The following GPC5 variants were observed in gnomAD, a reference collection of about 807,000 sequenced individuals.
The protein encoded by GPC5 is glypican-5.
GPC5 carries 47 observed loss-of-function variants against 53.9 expected under a neutral mutation model. The observed-to-expected ratio is 0.87, with a 90% CI of 0.69 to 1.11. The LOEUF is 1.11. GPC5 is among the 50% of genes most tolerant of loss of function. GPC5 has a pLI of 0.00. For synonymous variants in GPC5, 286 were observed against 263.3 expected, an observed-to-expected ratio of 1.09 and a Z score of -0.84; for missense variants, 748 against 713.1, an observed-to-expected ratio of 1.05 and a Z score of -0.56.
rs1042260999 is a variant in GPC5, at chr13:91,399,020, C to T, written c.-27C>T. 5.2e-6 allele frequency: 8 copies of T among 1,534,892 alleles called. No individual in the cohort carries two copies. Among genetic ancestry groups the T allele is most frequent in the African/African-American group, 2.8e-5 (2 of 72,710 alleles). On this transcript the variant is annotated 5_prime_UTR_variant, in exon 1 of 8. Transcript: ENST00000377067. ...GCGCAGGGCGAGTGGGGTCCACTGG[C>T]GGGTAAAGGGGACCAGGACGGCGAG... is the stretch of plus-strand genomic sequence containing the variant.
intron 7 of GPC5, among the ~76,000 whole-genome samples, chr13:92,515,098 C>T (rs1410722856): frequency 6.6e-6 from 1 of 152,016 alleles, no homozygotes; most frequent in Non-Finnish European, 1.5e-5. Flanking sequence ...AAGGTAAAAC[C>T]AGTAAAGAGA....
At chr13:92,135,057 G>T (rs1178750740) in intron 6 of GPC5, among the ~76,000 whole-genome samples, 1 of 151,954 alleles carries the variant, frequency 6.6e-6, no homozygotes, top group Non-Finnish European at 1.5e-5. Flanking sequence ...CCCCCTCTCT[G>T]GTTCTCCTGC....
intron 6 of GPC5, among the ~76,000 whole-genome samples, chr13:92,002,371 C>T (rs2040563389): frequency 1.3e-5 from 2 of 152,202 alleles, no homozygotes; most frequent in South Asian, 2.1e-4. Flanking sequence ...TCTTGTCACC[C>T]AAAGGAATTA....
chr13:92,078,204 A>G (rs2041268163), intron 6 of GPC5, among the ~76,000 whole-genome samples: 2 of 152,216 alleles, frequency 1.3e-5, no homozygotes, highest in Admixed American at 1.3e-4. Context: ...ATTCTTTAGC[A>G]ATTCATCCAA....
intron 7 of GPC5, among the ~76,000 whole-genome samples, chr13:92,246,646 A>T (rs1362754790): frequency 6.6e-6 from 1 of 152,168 alleles, no homozygotes; most frequent in Admixed American, 6.6e-5. Flanking sequence ...TCAGCCCTTC[A>T]TATGTAAAAG....
At chr13:92,724,234 T>C (rs1056108591) in intron 7 of GPC5, among the ~76,000 whole-genome samples, 1 of 151,610 alleles carries the variant, frequency 6.6e-6, no homozygotes, top group Non-Finnish European at 1.5e-5. Flanking sequence ...TAAGTTAGGT[T>C]TTTATTTTTA....
At chr13:91,572,620 T>C (rs1329934632) in intron 2 of GPC5, among the ~76,000 whole-genome samples, 1 of 151,798 alleles carries the variant, frequency 6.6e-6, no homozygotes, top group East Asian at 1.9e-4. Flanking sequence ...AAGAATGAAA[T>C]CATGACCATG....
rs568365965 is a variant in GPC5, at chr13:91,416,175, C to T, written c.163+16966C>T. On this transcript the variant is annotated intron_variant, in intron 1 of 7. Transcript: ENST00000377067. ...GAGTCCATGTACAGTATAGGGCTGCCCATTCCCACCCAAAATGTAGAAACA... is the reference window on the plus strand; with the variant it reads ...GAGTCCATGTACAGTATAGGGCTGCTCATTCCCACCCAAAATGTAGAAACA... 1.2e-4 allele frequency among the ~76,000 whole-genome samples: 18 copies of T among 152,184 alleles called. No homozygotes were observed. In the South Asian group the frequency reaches 3.3e-3, roughly 28 times the overall value.
At chr13:91,770,007 A>T (rs1044441498) in intron 5 of GPC5, among the ~76,000 whole-genome samples, 2 of 152,192 alleles carry the variant, frequency 1.3e-5, no homozygotes, top group Admixed American at 6.5e-5. Context: ...GTAGGTCCCC[A>T]GATTATGCAC....
At chr13:92,282,402 C>T (rs2042922673) in intron 7 of GPC5, among the ~76,000 whole-genome samples, 1 of 152,020 alleles carries the variant, frequency 6.6e-6, no homozygotes, top group African/African-American at 2.4e-5. Context: ...GAGAACGCCA[C>T]AAAGATACTC....
chr13:92,604,902 A>G (rs1258157358), intron 7 of GPC5, among the ~76,000 whole-genome samples: 2 of 152,202 alleles, frequency 1.3e-5, no homozygotes. Flanking sequence ...AAAGTATAGC[A>G]AGGAGTGCAT....
rs1037014027 is a variant in GPC5 at position 92,867,205 on chromosome 13, T to A, written c.*766T>A. The A allele has an allele frequency of 3.9e-5, 6 of 152,106 alleles. No individual in the cohort carries two copies. The highest frequency in any genetic ancestry group is 1.4e-4 in the African/African-American group (6 of 41,434). The allele number at this position is 152,106 out of a possible 1,614,324, so 9.4% of individuals were successfully genotyped here. ...AGCACATGCTTGCTCTAGGAATATC[T>A]CCAATAAAGCTGTTAACTATTTGGT... On this transcript the variant is annotated 3_prime_UTR_variant, in exon 8 of 8. Coordinates refer to ENST00000377067, the MANE Select transcript of GPC5 (RefSeq NM_004466.6).
intron 7 of GPC5, among the ~76,000 whole-genome samples, chr13:92,499,992 T>C (rs1413992932): frequency 6.6e-6 from 1 of 152,088 alleles, no homozygotes; most frequent in Non-Finnish European, 1.5e-5. Flanking sequence ...AAGTAAATAG[T>C]GACAGATAGA....
chr13:92,076,251 T>C lies in GPC5; in HGVS notation c.1402-68579T>C, dbSNP rs143227703. 5.4e-4 allele frequency among the ~76,000 whole-genome samples: 82 copies of C among 152,196 alleles called. No individual in the cohort carries two copies. The East Asian group carries it at 0.01, about 19-fold the overall frequency. On this transcript the variant is annotated intron_variant, in intron 6 of 7. Transcript: ENST00000377067. ...GCCTGGCTTATTTTATTTTTTATTT[T>C]TTGTATTTTTAGTAGAGACGGGGTT...
intron 7 of GPC5, among the ~76,000 whole-genome samples, chr13:92,205,355 G>T (rs1446499031): frequency 6.6e-6 from 1 of 152,046 alleles, no homozygotes; most frequent in Non-Finnish European, 1.5e-5. Flanking sequence ...GGTCTTCCAG[G>T]TCTCCATCAT....
At chr13:91,678,189 C>T (rs1262666420) in intron 2 of GPC5, among the ~76,000 whole-genome samples, 2 of 152,118 alleles carry the variant, frequency 1.3e-5, no homozygotes, top group Middle Eastern at 3.2e-3. Flanking sequence ...CTCTGTTTCC[C>T]GACCTGTAAC....
intron 7 of GPC5, among the ~76,000 whole-genome samples, chr13:92,411,139 G>A (rs529466952): frequency 5.3e-5 from 8 of 152,196 alleles, no homozygotes; most frequent in Admixed American, 1.3e-4. Context: ...GCATGATGGC[G>A]CACGTCTGTA....
chr13:91,514,110 A>T (rs946979801), intron 2 of GPC5, among the ~76,000 whole-genome samples: 8 of 152,250 alleles, frequency 5.3e-5, no homozygotes, highest in African/African-American at 1.9e-4. Context: ...TGTGAACATT[A>T]GGATACAGGT....
intron 5 of GPC5, among the ~76,000 whole-genome samples, chr13:91,822,197 A>G (rs185318526): frequency 1.3e-5 from 2 of 152,220 alleles, no homozygotes; most frequent in Non-Finnish European, 2.9e-5. Flanking sequence ...ACAGTCAACT[A>G]TAAGCCATCA....
Sources: gnomAD v4.1 joint callset for allele counts (sites outside exome capture counted in the v4.1 genomes callset) on GRCh38, gnomAD v4.1.1 for gene constraint, MANE v1.5 for transcripts, NCBI Gene and HGNC (gene_info 2026-07-23, HGNC 2026-07-21) for gene names.